TANC2: variants seen among roughly 807,000 people sequenced by gnomAD.
TANC2 encodes the protein tetratricopeptide repeat, ankyrin repeat and coiled-coil containing 2.
In TANC2, 26 loss-of-function variants were observed where a neutral mutation model predicts 210.5. That is an observed-to-expected ratio of 0.12 (90% CI 0.09 to 0.17). The LOEUF (loss-of-function observed/expected upper bound fraction) is 0.17. Ranked by LOEUF, TANC2 falls within the 10% of genes least tolerant of loss-of-function variation. The pLI is 1.00. For missense variants in TANC2, 2,129 were observed against 2,608.9 expected, an observed-to-expected ratio of 0.82 and a Z score of 4.01; for synonymous variants, 931 against 967.1, an observed-to-expected ratio of 0.96 and a Z score of 0.69.
intron 2 of TANC2, among the ~76,000 whole-genome samples, chr17:63,065,482 C>A (rs565395447): frequency 1.3e-5 from 2 of 152,278 alleles, no homozygotes; most frequent in African/African-American, 4.8e-5. Flanking sequence ...TTTAAGGAAC[C>A]TCCATACTGT....
chr17:63,109,739 T>G (rs1567729565), intron 4 of TANC2, among the ~76,000 whole-genome samples: 1 of 151,786 alleles, frequency 6.6e-6, no homozygotes, highest in South Asian at 2.1e-4. Flanking sequence ...GTGAACACTT[T>G]CAGTGATAGT....
rs1278266045 is a variant in TANC2, at chr17:63,318,946, T to C, written c.1442-11T>C. 1.2e-6 allele frequency: 2 copies of C among 1,612,132 alleles called. No homozygotes were observed. Among genetic ancestry groups the C allele is most frequent in the Non-Finnish European group, 1.7e-6 (2 of 1,179,792 alleles). On this transcript the variant is annotated splice_polypyrimidine_tract_variant and intron_variant, in intron 10 of 27. Coordinates refer to ENST00000689528, the Ensembl canonical transcript of TANC2. ...TTATCTGATGCAAACATCTAAATCTTTTTAATCCAGATGTGGATGCCAACA... is the reference window on the plus strand; with the variant it reads ...TTATCTGATGCAAACATCTAAATCTCTTTAATCCAGATGTGGATGCCAACA...
chr17:63,276,850 A>G (rs2043891653), intron 9 of TANC2, among the ~76,000 whole-genome samples: 1 of 152,166 alleles, frequency 6.6e-6, no homozygotes, highest in Non-Finnish European at 1.5e-5. Flanking sequence ...ATTCTTATTT[A>G]ATCCTCACAA....
intron 8 of TANC2, among the ~76,000 whole-genome samples, chr17:63,259,526 C>T (rs537366598): frequency 9.9e-5 from 15 of 152,282 alleles, no homozygotes; most frequent in Non-Finnish European, 4.4e-5. Context: ...CACCTTCCCT[C>T]GTAGGCTTTT....
Position 63,421,556 on chromosome 17 carries a change from C to T in TANC2, c.5826C>T (p.Tyr1942=). Reference sequence around the variant, plus strand: ...ATAAAACAGCACGGACTCAGCAGTACCCCCACCTCCACCAGCAGAATCGGA... The same window carrying T: ...ATAAAACAGCACGGACTCAGCAGTATCCCCACCTCCACCAGCAGAATCGGA... Residue 1942 remains tyrosine, a synonymous_variant, in exon 28 of 28, where the codon TAC becomes TAT. Transcript: ENST00000689528. This position sits in a 1 kb window ranked among gnomAD's most constrained non-coding sequence, Gnocchi z 6.9. The T allele has an allele frequency of 6.2e-7, 1 of 1,614,032 alleles. No individual in the cohort carries two copies. Among genetic ancestry groups the T allele is most frequent in the South Asian group, 1.1e-5 (1 of 91,078 alleles).
chr17:63,138,818 T>C (rs2039183473), intron 4 of TANC2, among the ~76,000 whole-genome samples: 2 of 152,242 alleles, frequency 1.3e-5, no homozygotes, highest in African/African-American at 4.8e-5. Context: ...CTCACTTTAA[T>C]ACAGTAACTA....
rs183190517 is a variant in TANC2, at chr17:63,407,903, G to A, written c.3589+1626G>A. Among the ~76,000 whole-genome samples the A allele has an allele frequency of 2.3e-4, 35 of 152,324 alleles. 1 individual carries two copies. The highest frequency in any genetic ancestry group is 1.4e-3 in the Admixed American group (21 of 15,302). On this transcript the variant is annotated intron_variant, in intron 21 of 27. Coordinates refer to ENST00000689528, the Ensembl canonical transcript of TANC2. ...ATGACAGGTTTGGAGAAATATGCAA[G>A]CTGTCTAGTAAAATGTAAGGGGACT...
At chr17:63,197,136 CTG>C (rs1191116909) in intron 6 of TANC2, among the ~76,000 whole-genome samples, 2 of 152,028 alleles carry the variant, frequency 1.3e-5, no homozygotes, top group Admixed American at 1.3e-4. Flanking sequence ...TATGCAGGAA[CTG>C]TGTGATTTGG....
chr17:63,189,650 G>C (rs983745981), intron 5 of TANC2, among the ~76,000 whole-genome samples: 2 of 151,856 alleles, frequency 1.3e-5, no homozygotes, highest in African/African-American at 4.8e-5. Flanking sequence ...ATGTAGTCTG[G>C]GTTCAAGTCC....
At chr17:62,974,647 T>C (rs1332106292) in intron 1 of TANC2, among the ~76,000 whole-genome samples, 1 of 152,218 alleles carries the variant, frequency 6.6e-6, no homozygotes, top group African/African-American at 2.4e-5. Flanking sequence ...AAAGCTAAAA[T>C]TGTAATTCAG....
At chr17:63,366,938 A>G (rs1264079423) in intron 14 of TANC2, among the ~76,000 whole-genome samples, 1 of 152,254 alleles carries the variant, frequency 6.6e-6, no homozygotes, top group Non-Finnish European at 1.5e-5. Context: ...CAAGCAGACT[A>G]TAAGACAGCA....
chr17:63,062,843 AT>A (rs1430579049), intron 2 of TANC2, among the ~76,000 whole-genome samples: 2 of 152,110 alleles, frequency 1.3e-5, no homozygotes, highest in Admixed American at 6.5e-5. Context: ...GTGTGGGGGC[AT>A]TTTTTCCCCA....
chr17:63,389,389 C>T lies in TANC2; in HGVS notation c.2896C>T (p.Gln966Ter). 6.2e-7 allele frequency: 1 copy of T among 1,613,976 alleles called. No homozygotes were observed. Among genetic ancestry groups the T allele is most frequent in the Non-Finnish European group, 8.5e-7 (1 of 1,179,880 alleles). ...AAATAATGCTCCAATTCTATGTGTT[C>T]AGTCCCATCTTGGTTACACAGAAAT... Residue 966 changes from glutamine to a stop codon, truncating the protein, a stop_gained, in exon 17 of 28, where the codon CAG becomes TAG. Coordinates refer to ENST00000689528, the Ensembl canonical transcript of TANC2. LOFTEE classifies it high-confidence loss of function.
chr17:63,238,085 TTTG>T lies in TANC2; in HGVS notation c.1033+27_1033+29del, dbSNP rs565306580. On this transcript the variant is annotated intron_variant, in intron 8 of 27. Transcript: ENST00000689528. ...GGCCAAATTCAGTAGCAGGTAAGTT[TTTG>T]TTGTTGTTGTTGTTGTTGCTGTTGT... is the stretch of plus-strand genomic sequence containing the variant. 1.3e-4 allele frequency: 197 copies of T among 1,526,280 alleles called. No homozygotes were observed. The highest frequency in any genetic ancestry group is 3.4e-4 in the Admixed American group (16 of 46,884). The allele number at this position is 1,526,280 out of a possible 1,614,324, so 94.5% of individuals were successfully genotyped here. A position where few individuals can be genotyped will look rare whatever the true frequency, so the allele number is the denominator to read the frequency against.
intron 17 of TANC2, among the ~76,000 whole-genome samples, chr17:63,392,213 G>A (rs1184554422): frequency 2.0e-5 from 3 of 152,124 alleles, no homozygotes; most frequent in African/African-American, 7.2e-5. Flanking sequence ...ACATTTTGGT[G>A]ACTCTTAACC....
chr17:63,256,499 G>T (rs1311030488), intron 8 of TANC2, among the ~76,000 whole-genome samples: 1 of 151,924 alleles, frequency 6.6e-6, no homozygotes, highest in Non-Finnish European at 1.5e-5. Context: ...TTAGTACTTG[G>T]TCTGTGACCT....
chr17:62,997,840 A>G (rs1307053459), intron 1 of TANC2, among the ~76,000 whole-genome samples: 1 of 152,210 alleles, frequency 6.6e-6, no homozygotes, highest in South Asian at 2.1e-4. Flanking sequence ...CCAATCCACC[A>G]CAAAACCAAA....
chr17:63,294,668 T>G (rs1173651224), intron 9 of TANC2, among the ~76,000 whole-genome samples: 1 of 152,222 alleles, frequency 6.6e-6, no homozygotes, highest in Non-Finnish European at 1.5e-5. Flanking sequence ...ACTGTCTTAT[T>G]TTATCACATC....
intron 3 of TANC2, among the ~76,000 whole-genome samples, chr17:63,085,402 A>G (rs1256160591): frequency 6.6e-6 from 1 of 151,446 alleles, no homozygotes. Flanking sequence ...TTCGTCTTCT[A>G]CTCTTTTCTG....
Sources: gnomAD v4.1 joint callset for allele counts (sites outside exome capture counted in the v4.1 genomes callset) on GRCh38, gnomAD v4.1.1 for gene constraint, Gnocchi (gnomAD v3.1) non-coding constraint, MANE v1.5 for transcripts, NCBI Gene and HGNC (gene_info 2026-07-23, HGNC 2026-07-21) for gene names.